RBMS1: variants seen among roughly 807,000 people sequenced by gnomAD.
RBMS1 encodes RNA-binding motif, single-stranded-interacting protein 1.
A neutral mutation model predicts 62.3 loss-of-function variants in RBMS1; 17 were observed. That is an observed-to-expected ratio of 0.27 (90% CI 0.19 to 0.41). The LOEUF (loss-of-function observed/expected upper bound fraction) is 0.41, where lower values mean the gene tolerates loss of function less well. Ranked by LOEUF, RBMS1 falls within the 10% of genes least tolerant of loss-of-function variation. The probability of loss-of-function intolerance (pLI) is 1.00; values close to 1 mark genes in which losing one functional copy is unlikely to be tolerated. For missense variants in RBMS1, 334 were observed against 504.5 expected, an observed-to-expected ratio of 0.66 and a Z score of 3.24; for synonymous variants, 172 against 170.0, an observed-to-expected ratio of 1.01 and a Z score of -0.09.
At chr2:160,457,222 C>G (rs112137221) in intron 1 of RBMS1, among the ~76,000 whole-genome samples, 62 of 152,196 alleles carry the variant, frequency 4.1e-4, no homozygotes, top group African/African-American at 1.4e-3. Flanking sequence ...CCTCCCCCTC[C>G]TGGGTTCAAG....
intron 2 of RBMS1, among the ~76,000 whole-genome samples, chr2:160,323,669 CAAAGTAACTGGGTTA>C (rs887131984): frequency 2.7e-5 from 4 of 149,134 alleles, no homozygotes; most frequent in African/African-American, 9.9e-5. Context: ...CATCTGGCTT[CAAAGTAACTGGGTTA>C]GACCACAGCC....
At chr2:160,306,790 A>G (rs1689553033) in intron 4 of RBMS1, among the ~76,000 whole-genome samples, 1 of 151,810 alleles carries the variant, frequency 6.6e-6, no homozygotes, top group Admixed American at 6.6e-5. Context: ...ATAACCACAC[A>G]TTCACTGTGA....
At chr2:160,424,214 T>C (rs1211463683) in intron 1 of RBMS1, among the ~76,000 whole-genome samples, 1 of 152,022 alleles carries the variant, frequency 6.6e-6, no homozygotes, top group African/African-American at 2.4e-5. Flanking sequence ...GAGACAGGTT[T>C]CACCATGTTG....
intron 1 of RBMS1, among the ~76,000 whole-genome samples, chr2:160,396,855 G>A (rs1280518434): frequency 5.3e-5 from 8 of 152,130 alleles, no homozygotes; most frequent in African/African-American, 1.4e-4. Context: ...GAGCCACCGC[G>A]CCCAGCCGTA....
At chr2:160,342,220 A>G (rs971649543) in intron 2 of RBMS1, among the ~76,000 whole-genome samples, 1 of 152,198 alleles carries the variant, frequency 6.6e-6, no homozygotes, top group Non-Finnish European at 1.5e-5. Context: ...AAATAATCTA[A>G]GCAGCTATTC....
At chr2:160,391,804 CCT>C (rs1352565754) in intron 1 of RBMS1, among the ~76,000 whole-genome samples, 2 of 152,040 alleles carry the variant, frequency 1.3e-5, no homozygotes, top group African/African-American at 4.8e-5. Flanking sequence ...ATGGCGAAAC[CCT>C]GTCTCCACTA....
chr2:160,408,559 A>T (rs1347523417), intron 1 of RBMS1: 1 of 152,210 alleles, frequency 6.6e-6, no homozygotes, highest in African/African-American at 2.4e-5. Context: ...ATTTAAGGCC[A>T]CCGGTTTGGT....
At chr2:160,348,414 CA>C (rs1692304591) in intron 2 of RBMS1, among the ~76,000 whole-genome samples, 1 of 152,104 alleles carries the variant, frequency 6.6e-6, no homozygotes, top group South Asian at 2.1e-4. Context: ...ATACATATTA[CA>C]GCCTGTCTTG....
At chr2:160,379,099 G>C (rs779864077) in intron 1 of RBMS1, among the ~76,000 whole-genome samples, 2 of 151,992 alleles carry the variant, frequency 1.3e-5, no homozygotes, top group Non-Finnish European at 2.9e-5. Flanking sequence ...CATGCCTGTA[G>C]TCCCAGCTAC....
At chr2:160,292,604 T>A (rs1405978929) in intron 6 of RBMS1, among the ~76,000 whole-genome samples, 1 of 152,224 alleles carries the variant, frequency 6.6e-6, no homozygotes, top group African/African-American at 2.4e-5. Context: ...CTGGTCAATG[T>A]CTTTTAGAAA....
intron 9 of RBMS1, chr2:160,282,478 C>T (rs1465661290): frequency 4.9e-6 from 2 of 412,046 alleles, no homozygotes; most frequent in South Asian, 1.9e-5. Context: ...AGTGCAGGGC[C>T]CTCACTGGAT....
chr2:160,292,284 G>C (rs1286157156), intron 6 of RBMS1, among the ~76,000 whole-genome samples: 1 of 152,236 alleles, frequency 6.6e-6, no homozygotes, highest in East Asian at 1.9e-4. Flanking sequence ...TCTGAAATGG[G>C]GATGATAATA....
At chr2:160,307,997 T>C (rs1689630527) in intron 4 of RBMS1, among the ~76,000 whole-genome samples, 1 of 152,230 alleles carries the variant, frequency 6.6e-6, no homozygotes, top group Admixed American at 6.5e-5. Flanking sequence ...TATATAAAGA[T>C]GAAAGACTTT....
chr2:160,303,241 A>G lies in RBMS1; in HGVS notation c.560+89T>C, dbSNP rs1187062133. ...AACTGCTCCCATAACCCTAGCTGAA[A>G]CTGTCTCTTCTTAGTCATTTTTAAT... is the stretch of plus-strand genomic sequence containing the variant. On this transcript the variant is annotated intron_variant, in intron 5 of 13. Coordinates refer to ENST00000348849, the MANE Select transcript of RBMS1 (RefSeq NM_016836.4). 16 of 1,363,222 alleles carry G rather than the reference A, an allele frequency of 1.2e-5. No individual in the cohort carries two copies. In the South Asian group the frequency reaches 2.3e-4, roughly 20 times the overall value. The allele number at this position is 1,363,222 out of a possible 1,614,324, so 84.4% of individuals were successfully genotyped here.
intron 1 of RBMS1, among the ~76,000 whole-genome samples, chr2:160,471,716 T>TATATATATATATATATATAA (rs371634389): frequency 0.024 from 1,786 of 75,596 alleles, 129 homozygotes; most frequent in African/African-American, 0.052. Flanking sequence ...TATATATATA[T>TATATATATATATATATATAA]AACCTTTCAT....
chr2:160,286,065 C>T lies in RBMS1; in HGVS notation c.756+904G>A, dbSNP rs528760983. On this transcript the variant is annotated intron_variant, in intron 7 of 13. Transcript: ENST00000348849. ...GGCAGAGCTTGCAGTGAGCGGAGAT[C>T]GTGCCACTGCCCTCCAGCCTGAGCG... Among the ~76,000 whole-genome samples, 378 of 151,924 alleles carry T rather than the reference C, an allele frequency of 2.5e-3. 1 individual carries two copies. The highest frequency in any genetic ancestry group is 8.6e-3 in the African/African-American group (358 of 41,444).
chr2:160,438,287 T>C (rs997034815), intron 1 of RBMS1, among the ~76,000 whole-genome samples: 2 of 150,216 alleles, frequency 1.3e-5, no homozygotes, highest in East Asian at 2.0e-4. Flanking sequence ...TTATTGATCA[T>C]TCTTGGGTGT....
intron 1 of RBMS1, among the ~76,000 whole-genome samples, chr2:160,429,830 T>C (rs1682814578): frequency 6.6e-6 from 1 of 152,206 alleles, no homozygotes; most frequent in African/African-American, 2.4e-5. Context: ...TGTGATTCTC[T>C]CCTCCAAAGT....
At chr2:160,390,683 A>C (rs948513451) in intron 1 of RBMS1, among the ~76,000 whole-genome samples, 2 of 126,836 alleles carry the variant, frequency 1.6e-5, no homozygotes, top group African/African-American at 6.4e-5. Flanking sequence ...GCTGAGACCC[A>C]GTCTCAAAAA....
Sources: allele counts gnomAD v4.1 joint callset (sites outside exome capture counted in the v4.1 genomes callset), GRCh38; gene constraint gnomAD v4.1.1; transcripts MANE v1.5; gene names NCBI Gene and HGNC (gene_info 2026-07-23, HGNC 2026-07-21).